The following SP4 variants were observed in gnomAD, a reference collection of about 807,000 sequenced individuals.
The protein encoded by SP4 is Sp4 transcription factor, also known as transcription factor Sp4.
A neutral mutation model predicts 72.8 loss-of-function variants in SP4; 19 were observed. The ratio of observed to expected loss-of-function variants is 0.26; its 90% CI spans 0.18 to 0.38. SP4 has a LOEUF of 0.38. Among genes scored for constraint, SP4 ranks in the 10% least tolerant of loss-of-function variants. SP4 has a pLI of 1.00. For missense variants in SP4, 1,008 were observed against 926.3 expected, an observed-to-expected ratio of 1.09 and a Z score of -1.14; for synonymous variants, 395 against 333.1, an observed-to-expected ratio of 1.19 and a Z score of -2.02.
chr7:21,467,839 G>T (rs1784215626), intron 3 of SP4, among the ~76,000 whole-genome samples: 1 of 139,166 alleles, frequency 7.2e-6, no homozygotes, highest in Non-Finnish European at 1.6e-5. Flanking sequence ...AACAGCTTTT[G>T]TTTTTCCTGA....
At chr7:21,508,361 A>C (rs1373345599) in intron 5 of SP4, among the ~76,000 whole-genome samples, 2 of 152,164 alleles carry the variant, frequency 1.3e-5, no homozygotes, top group African/African-American at 4.8e-5. Flanking sequence ...CACCCGGGGC[A>C]GTTACAGCAG....
chr7:21,449,566 A>C (rs1783528290), intron 3 of SP4, among the ~76,000 whole-genome samples: 1 of 152,206 alleles, frequency 6.6e-6, no homozygotes, highest in Admixed American at 6.5e-5. Flanking sequence ...CATATGTTTA[A>C]GTATACGTGT....
At chr7:21,429,209 C>T (rs1047661286) in intron 2 of SP4, 80 bp from the exon 3 acceptor site, 12 of 713,434 alleles carry the variant, frequency 1.7e-5, no homozygotes, top group African/African-American at 3.6e-5. Flanking sequence ...ATAAGTAACC[C>T]CCTGGCAACT....
Position 21,474,739 on chromosome 7 carries a change from T to C in SP4, c.1679-2340T>C, listed in dbSNP as rs2282899. Among the ~76,000 whole-genome samples the C allele has an allele frequency of 2.0e-5, 3 of 152,340 alleles. No homozygotes were observed. In the East Asian group the frequency reaches 5.8e-4, roughly 29 times the overall value. On this transcript the variant is annotated intron_variant, in intron 3 of 5. Transcript: ENST00000222584. Reference sequence around the variant, plus strand: ...TAGAGTTGAGGAAACTGAGGATCTCTGAGTGCACAGTCATAAATTTACAAC... The same window carrying C: ...TAGAGTTGAGGAAACTGAGGATCTCCGAGTGCACAGTCATAAATTTACAAC...
intron 3 of SP4, chr7:21,471,171 C>T: frequency 1.9e-6 from 1 of 532,488 alleles, no homozygotes; most frequent in Non-Finnish European, 3.9e-6. Flanking sequence ...TAAAACTAAG[C>T]AGGAGTTAGA....
chr7:21,500,199 T>C (rs1018664561), intron 5 of SP4, among the ~76,000 whole-genome samples: 1 of 152,208 alleles, frequency 6.6e-6, no homozygotes, highest in Non-Finnish European at 1.5e-5. Flanking sequence ...GAGATTTTCA[T>C]GAAGAAATGA....
At chr7:21,429,267 T>G in intron 2 of SP4, 22 bp from the exon 3 acceptor site, 31 of 1,162,574 alleles carry the variant, frequency 2.7e-5, no homozygotes, top group Non-Finnish European at 3.4e-5. Flanking sequence ...CCCCCTCTCC[T>G]TTACCGTCCC....
chr7:21,438,005 C>CTT (rs778336243), intron 3 of SP4, among the ~76,000 whole-genome samples: 15 of 140,484 alleles, frequency 1.1e-4, no homozygotes, highest in African/African-American at 2.9e-4. Flanking sequence ...ATATGAGGGG[C>CTT]TTTTTTTTTT....
At chr7:21,508,662 T>G (rs1451562411) in intron 5 of SP4, among the ~76,000 whole-genome samples, 2 of 152,094 alleles carry the variant, frequency 1.3e-5, no homozygotes, top group East Asian at 3.9e-4. Context: ...AGTAGGCCAC[T>G]GCCTCCACCT....
intron 5 of SP4, among the ~76,000 whole-genome samples, chr7:21,490,272 G>T (rs1307627320): frequency 6.6e-6 from 1 of 152,160 alleles, no homozygotes; most frequent in Non-Finnish European, 1.5e-5. Flanking sequence ...TGCATAGCAG[G>T]TGCAGGTAGC....
intron 3 of SP4, among the ~76,000 whole-genome samples, chr7:21,435,862 A>G (rs1449048409): frequency 1.4e-5 from 2 of 144,052 alleles, no homozygotes; most frequent in African/African-American, 5.2e-5. Context: ...TTTTTTTTTT[A>G]AGAAGGACTT....
At chr7:21,468,033 A>T (rs539430194) in intron 3 of SP4, among the ~76,000 whole-genome samples, 6 of 152,146 alleles carry the variant, frequency 3.9e-5, no homozygotes, top group Non-Finnish European at 7.4e-5. Flanking sequence ...GATCTGTCTT[A>T]CTTACAGAGT....
At chr7:21,504,849 C>G (rs1781954222) in intron 5 of SP4, among the ~76,000 whole-genome samples, 1 of 152,220 alleles carries the variant, frequency 6.6e-6, no homozygotes, top group Non-Finnish European at 1.5e-5. Context: ...TGTGGCAGCA[C>G]TGCTTGCACG....
chr7:21,499,654 G>T (rs573490510), intron 5 of SP4, among the ~76,000 whole-genome samples: 2 of 152,232 alleles, frequency 1.3e-5, no homozygotes, highest in South Asian at 4.1e-4. Flanking sequence ...AATTTATGTT[G>T]TTTTAAGCCA....
chr7:21,501,048 C>T (rs1781850408), intron 5 of SP4, among the ~76,000 whole-genome samples: 1 of 152,112 alleles, frequency 6.6e-6, no homozygotes, highest in Non-Finnish European at 1.5e-5. Flanking sequence ...GCAAATCCCT[C>T]CCCTAGTTCC....
chr7:21,446,029 T>C (rs907146884), intron 3 of SP4, among the ~76,000 whole-genome samples: 128 of 140,238 alleles, frequency 9.1e-4, no homozygotes, highest in South Asian at 7.1e-4. Context: ...TGTGTGTGTG[T>C]GCACGCATAT....
intron 5 of SP4, among the ~76,000 whole-genome samples, chr7:21,505,013 C>T (rs372047021): frequency 3.9e-5 from 6 of 152,296 alleles, no homozygotes; most frequent in East Asian, 1.9e-4. Context: ...GGACCAGGAC[C>T]GGGGCTGTAA....
intron 5 of SP4, among the ~76,000 whole-genome samples, 195 bp from the exon 6 acceptor site, chr7:21,510,827 G>C (rs953852189): frequency 1.3e-5 from 2 of 152,162 alleles, no homozygotes; most frequent in Non-Finnish European, 2.9e-5. Context: ...TTAAACTTCA[G>C]GTCTTTTCGT....
intron 5 of SP4, among the ~76,000 whole-genome samples, chr7:21,493,679 TAAAG>T (rs1430393146): frequency 6.7e-6 from 1 of 148,176 alleles, no homozygotes; most frequent in East Asian, 2.0e-4. Context: ...CTATATCTGT[TAAAG>T]AAATTGGATT....
Sources: gnomAD v4.1 joint callset for allele counts (sites outside exome capture counted in the v4.1 genomes callset) on GRCh38, gnomAD v4.1.1 for gene constraint, MANE v1.5 for transcripts, NCBI Gene and HGNC (gene_info 2026-07-23, HGNC 2026-07-21) for gene names.